Variants in RAD52 observed in about 807,000 individuals in gnomAD.
RAD52 encodes RAD52 DNA repair protein, also known as DNA repair protein RAD52 homolog.
In RAD52, 47 loss-of-function variants were observed where a neutral mutation model predicts 55.5. The ratio of observed to expected loss-of-function variants is 0.85; its 90% CI spans 0.67 to 1.08. RAD52 has a LOEUF of 1.08. RAD52 is among the 50% of genes least tolerant of loss of function. RAD52 has a pLI of 0.00. For missense variants in RAD52, 468 were observed against 522.8 expected, an observed-to-expected ratio of 0.90 and a Z score of 1.02; for synonymous variants, 184 against 198.9, an observed-to-expected ratio of 0.92 and a Z score of 0.63.
intron 1 of RAD52, among the ~76,000 whole-genome samples, chr12:979,536 GCCGT>G (rs1170195167): frequency 1.3e-5 from 2 of 152,044 alleles, no homozygotes; most frequent in Non-Finnish European, 2.9e-5. Context: ...GACCACATGT[GCCGT>G]CTCTCTCTCT....
intron 1 of RAD52, among the ~76,000 whole-genome samples, chr12:955,421 T>C (rs117488661): frequency 5.0e-4 from 76 of 152,104 alleles, no homozygotes; most frequent in Middle Eastern, 3.4e-3. Flanking sequence ...CCCAACCCAT[T>C]ATCTTGCTAA....
chr12:986,841 A>G (rs536765445), intron 1 of RAD52, among the ~76,000 whole-genome samples: 9 of 151,258 alleles, frequency 6.0e-5, no homozygotes, highest in Non-Finnish European at 1.2e-4. Flanking sequence ...CTTCTGTTCC[A>G]ATCTAACTAA....
intron 7 of RAD52, among the ~76,000 whole-genome samples, chr12:920,474 G>T (rs1448933039): frequency 1.3e-5 from 2 of 149,140 alleles, no homozygotes; most frequent in Non-Finnish European, 1.5e-5. Flanking sequence ...GGAGAATGGT[G>T]TGAACCCAGG....
At chr12:942,688 A>C (rs1312620237) in intron 1 of RAD52, among the ~76,000 whole-genome samples, 1 of 151,886 alleles carries the variant, frequency 6.6e-6, no homozygotes, top group Non-Finnish European at 1.5e-5. Context: ...CAGAGGTTGC[A>C]GTGAGCGGAG....
rs893430247 is a variant in RAD52, at chr12:931,591, T to C, written c.85-270A>G. On this transcript the variant is annotated intron_variant, in intron 2 of 11. Transcript: ENST00000358495. Reference sequence around the variant, plus strand: ...AGACAATGAGTGTGAAAGAGGCAAATAGTATTATTATGAAGATAATTTTGA... The same window carrying C: ...AGACAATGAGTGTGAAAGAGGCAAACAGTATTATTATGAAGATAATTTTGA... Among the ~76,000 whole-genome samples, 6 of 152,118 alleles carry C rather than the reference T, an allele frequency of 3.9e-5. No homozygotes were observed. The South Asian group carries it at 8.3e-4, about 21-fold the overall frequency.
At chr12:972,995 G>GA (rs34813034) in intron 1 of RAD52, among the ~76,000 whole-genome samples, 18,307 of 152,162 alleles carry the variant, frequency 0.12, 1,780 homozygotes, top group African/African-American at 0.27. Flanking sequence ...TTTTGTGCAA[G>GA]AAAGTGACAG....
At chr12:941,553 G>A (rs544586126) in intron 1 of RAD52, among the ~76,000 whole-genome samples, 2 of 152,130 alleles carry the variant, frequency 1.3e-5, no homozygotes, top group Non-Finnish European at 2.9e-5. Context: ...CCTGACCTCA[G>A]GTGATCCACC....
intron 1 of RAD52, among the ~76,000 whole-genome samples, chr12:941,956 G>C (rs1303371673): frequency 6.6e-6 from 1 of 152,050 alleles, no homozygotes; most frequent in Non-Finnish European, 1.5e-5. Context: ...ATTTTAAAAG[G>C]CTTAAATAAG....
rs35399875 is a variant in RAD52 at position 933,459 on chromosome 12, G to GAAA, written c.-18-386_-18-384dup. Among the ~76,000 whole-genome samples, 286 of 139,692 alleles carry GAAA rather than the reference G, an allele frequency of 2.0e-3. 1 individual carries two copies. Among genetic ancestry groups the GAAA allele is most frequent in the African/African-American group, 4.0e-3 (151 of 37,322 alleles). 91.6% of individuals were successfully genotyped at this position (139,692 alleles called of 152,430 possible). On this transcript the variant is annotated intron_variant, in intron 1 of 11. Transcript: ENST00000358495. ...GCGACAGAGCGAGACTCCATTTCAG[G>GAAA]AAAAAAAAAAAAAAAGAATCCCTAT...
In RAD52 at chr12:919,791, G is replaced by A. The variant is rs1318518488; in HGVS notation, c.544-2971C>T. On this transcript the variant is annotated intron_variant, in intron 7 of 11. Transcript: ENST00000358495. The stretch of plus-strand genomic sequence containing the variant: ...ATCTGGGCTCAGCGTGGTGGCTCAC[G>A]CCTGTAATCCCAACACCTTGGGAGG... Among the ~76,000 whole-genome samples, 16 of 113,054 alleles carry A rather than the reference G, an allele frequency of 1.4e-4. 4 individuals are homozygous for A. The highest frequency in any genetic ancestry group is 3.4e-4 in the Admixed American group (4 of 11,702). The allele number at this position is 113,054 out of a possible 152,430, so 74.2% of individuals were successfully genotyped here. A position where few individuals can be genotyped will look rare whatever the true frequency, so the allele number is the denominator to read the frequency against.
intron 1 of RAD52, among the ~76,000 whole-genome samples, chr12:944,968 G>C (rs1182009331): frequency 2.0e-5 from 3 of 152,050 alleles, no homozygotes; most frequent in Non-Finnish European, 4.4e-5. Context: ...AGAACGGCTT[G>C]ATGAACAAGA....
intron 1 of RAD52, among the ~76,000 whole-genome samples, chr12:979,157 C>T (rs183018407): frequency 3.9e-5 from 6 of 152,076 alleles, no homozygotes; most frequent in East Asian, 1.9e-4. Flanking sequence ...TTAAATGATG[C>T]GGCCAGGCAT....
chr12:918,765 G>GT (rs1956546183), intron 7 of RAD52, among the ~76,000 whole-genome samples: 1 of 151,878 alleles, frequency 6.6e-6, no homozygotes, highest in Admixed American at 6.6e-5. Flanking sequence ...GGGGATGGCA[G>GT]TGACTGCAAG....
At position 927,205 on chromosome 12, in the gene RAD52, G is replaced by A; in HGVS notation, c.407C>T (p.Ala136Val). 2 of 1,614,110 alleles carry A rather than the reference G, an allele frequency of 1.2e-6. No individual in the cohort carries two copies. Among genetic ancestry groups the A allele is most frequent in the Non-Finnish European group, 1.7e-6 (2 of 1,180,016 alleles). The part of the protein sequence containing the change: ...YGVSEGLKSK[A>V]LSLEKARKEA... ...CTTCCTTGCCTTCTCCAAAGATAAA[G>A]CCTTGGACTTGAGGCCCTCACTAAC... is the stretch of plus-strand genomic sequence containing the variant. Residue 136 changes from alanine to valine, a missense_variant, in exon 6 of 12, where the codon GCT becomes GTT. Coordinates refer to ENST00000358495, the MANE Select transcript of RAD52 (RefSeq NM_134424.4).
chr12:957,113 T>G (rs1311950161), intron 1 of RAD52, among the ~76,000 whole-genome samples: 1 of 152,106 alleles, frequency 6.6e-6, no homozygotes, highest in Non-Finnish European at 1.5e-5. Context: ...TTCAGTTGTT[T>G]AAAAAAGCCA....
At chr12:969,781 C>T (rs1204484129) in intron 1 of RAD52, among the ~76,000 whole-genome samples, 2 of 150,334 alleles carry the variant, frequency 1.3e-5, no homozygotes, top group Admixed American at 6.6e-5. Flanking sequence ...CAGAGCAAGA[C>T]CCTGACTCTT....
At chr12:939,334 G>T (rs1408489948) in intron 1 of RAD52, among the ~76,000 whole-genome samples, 9 of 151,716 alleles carry the variant, frequency 5.9e-5, no homozygotes, top group African/African-American at 2.2e-4. Flanking sequence ...ATTTTTTGTA[G>T]AGACACGGGT....
chr12:917,236 T>C (rs891466755), intron 7 of RAD52, among the ~76,000 whole-genome samples: 4 of 152,152 alleles, frequency 2.6e-5, no homozygotes, highest in Non-Finnish European at 5.9e-5. Context: ...CGCTGTGGCA[T>C]CACGAAGAAC....
intron 1 of RAD52, among the ~76,000 whole-genome samples, chr12:963,920 T>C (rs989328809): frequency 2.0e-5 from 3 of 152,062 alleles, no homozygotes; most frequent in African/African-American, 7.2e-5. Context: ...GGAAGGCCTC[T>C]CTGATCAGGT....
Sources: gnomAD v4.1 joint callset for allele counts (sites outside exome capture counted in the v4.1 genomes callset) on GRCh38, gnomAD v4.1.1 for gene constraint, MANE v1.5 for transcripts, NCBI Gene and HGNC (gene_info 2026-07-23, HGNC 2026-07-21) for gene names.